KCNG4: variants seen among roughly 807,000 people sequenced by gnomAD.
The protein encoded by KCNG4 is voltage-gated potassium channel regulatory subunit KCNG4.
KCNG4 carries 30 observed loss-of-function variants against 28.2 expected under a neutral mutation model. That is an observed-to-expected ratio of 1.06 (90% confidence interval 0.80 to 1.44). KCNG4 has a LOEUF of 1.44. Ranked by LOEUF, KCNG4 falls within the 40% of genes most tolerant of loss-of-function variation. The pLI, the probability that KCNG4 is intolerant of heterozygous loss-of-function variation, is 0.00. For synonymous variants in KCNG4, 375 were observed against 315.5 expected (o/e 1.19, Z -2.00); for missense variants, 879 against 712.3 (o/e 1.23, Z -2.66).
intron 2 of KCNG4, among the ~76,000 whole-genome samples, chr16:84,232,751 T>A (rs754031959): frequency 6.6e-6 from 1 of 151,732 alleles, no homozygotes; most frequent in Non-Finnish European, 1.5e-5. Flanking sequence ...GTACAAAAAT[T>A]AGCCAGGCGT....
At position 84,222,481 on chromosome 16, in the gene KCNG4, C is replaced by G. The variant is rs752234917; in HGVS notation, c.1296G>C (p.Gln432His). Residue 432 changes from glutamine to histidine, a missense_variant, in exon 3 of 3, where the codon CAG becomes CAC. By Grantham distance (24) the Gln-to-His change is conservative. Coordinates refer to ENST00000308251, the MANE Select transcript of KCNG4 (RefSeq NM_172347.3). Reference protein sequence around the residue: ...GDMVPRSVPGQMVALSSILSG... With the variant: ...GDMVPRSVPGHMVALSSILSG... ...TCAGGATGCTGCTGAGGGCCACCAT[C>G]TGGCCTGGCACACTGCGGGGCACCA... The G allele has an allele frequency of 3.7e-6, 6 of 1,613,884 alleles. No individual in the cohort carries two copies. The highest frequency in any genetic ancestry group is 5.1e-6 in the Non-Finnish European group (6 of 1,179,962).
At chr16:84,234,482 A>C (rs190549882) in intron 2 of KCNG4, among the ~76,000 whole-genome samples, 121 of 152,238 alleles carry the variant, frequency 7.9e-4, no homozygotes, top group African/African-American at 2.7e-3. Context: ...CCCAGCCTCC[A>C]TTGTAATTTG....
intron 2 of KCNG4, among the ~76,000 whole-genome samples, chr16:84,225,489 G>A (rs368950215): frequency 1.3e-5 from 2 of 152,162 alleles, no homozygotes; most frequent in African/African-American, 2.4e-5. Context: ...GGTGGGGCCC[G>A]GGAATCTACA....
intron 1 of KCNG4, among the ~76,000 whole-genome samples, chr16:84,238,881 C>CA (rs148427908): frequency 0.051 from 7,619 of 150,078 alleles, 464 homozygotes; most frequent in East Asian, 0.2. Context: ...AAGAAAAAAA[C>CA]AAAAAAAAAT....
At position 84,222,960 on chromosome 16, in the gene KCNG4, A is replaced by T. The variant is rs1231244029; in HGVS notation, c.817T>A (p.Phe273Ile). The T allele has an allele frequency of 4.5e-6, 7 of 1,572,088 alleles. No homozygotes were observed. Among genetic ancestry groups the T allele is most frequent in the Non-Finnish European group, 6.0e-6 (7 of 1,157,922 alleles). ...AACCGCAGGCAGAACTCCAGGGAGAACCAGGCCACGCAGATGGTCTCCACG... is the reference window on the plus strand; with the variant it reads ...AACCGCAGGCAGAACTCCAGGGAGATCCAGGCCACGCAGATGGTCTCCACG... ...FIVETICVAW[F>I]SLEFCLRFVQ... Residue 273 changes from phenylalanine (F) to isoleucine (I), a missense_variant, in exon 3 of 3, where the codon TTC becomes ATC. By Grantham distance (21) the Phe-to-Ile change is conservative (BLOSUM62 0). Coordinates refer to ENST00000308251, the MANE Select transcript of KCNG4 (RefSeq NM_172347.3).
At position 84,236,961 on chromosome 16, in the gene KCNG4, C is replaced by T. The variant is rs1269438215; in HGVS notation, c.525G>A (p.Leu175=). 5 of 1,613,112 alleles carry T rather than the reference C, an allele frequency of 3.1e-6. No homozygotes were observed. The Admixed American group carries it at 8.3e-5, about 27-fold the overall frequency. The part of the protein sequence containing the change: ...LLRKLEELEE[L]AKLHREDVLR... ...GTACGTCCTCCCTGTGCAGCTTGGC[C>T]AGCTCCTCCAGCTCCTCCAGCTTCC... Residue 175 remains leucine, a synonymous_variant, in exon 2 of 3, where the codon CTG becomes CTA. Coordinates refer to ENST00000308251, the MANE Select transcript of KCNG4 (RefSeq NM_172347.3).
chr16:84,232,653 G>A (rs911294137), intron 2 of KCNG4, among the ~76,000 whole-genome samples: 2 of 152,008 alleles, frequency 1.3e-5, no homozygotes, highest in Admixed American at 6.6e-5. Context: ...TAATCCCAAC[G>A]CTTTGGGAGG....
At chr16:84,234,947 C>T (rs946485139) in intron 2 of KCNG4, among the ~76,000 whole-genome samples, 8 of 152,212 alleles carry the variant, frequency 5.3e-5, no homozygotes, top group African/African-American at 1.9e-4. Flanking sequence ...TGGGCAGCAC[C>T]TCAGCCTGTC....
At chr16:84,230,433 A>C (rs1327698075) in intron 2 of KCNG4, among the ~76,000 whole-genome samples, 1 of 136,744 alleles carries the variant, frequency 7.3e-6, no homozygotes, top group African/African-American at 2.8e-5. Flanking sequence ...AAAGCCAGGC[A>C]TGGTGGTGGG....
At chr16:84,235,921 T>C (rs1904935955) in intron 2 of KCNG4, 1 of 152,164 alleles carries the variant, frequency 6.6e-6, no homozygotes, top group East Asian at 1.9e-4. Flanking sequence ...TAGGTTCTTA[T>C]TTCACTTCTC....
chr16:84,236,614 A>C (rs1275860159), intron 2 of KCNG4, 116 bp downstream of exon 2: 1 of 1,062,598 alleles, frequency 9.4e-7, no homozygotes, highest in African/African-American at 1.6e-5. Context: ...GTTGGATAAT[A>C]TTCATTTTTT....
At chr16:84,225,632 TG>T (rs1904679838) in intron 2 of KCNG4, among the ~76,000 whole-genome samples, 2 of 152,250 alleles carry the variant, frequency 1.3e-5, no homozygotes, top group Non-Finnish European at 2.9e-5. Context: ...ACTTATAGCC[TG>T]GGAATAACTT....
In KCNG4 at chr16:84,236,957, T is replaced by C. The variant is rs201927455; in HGVS notation, c.529A>G (p.Lys177Glu). 2 of 1,608,796 alleles carry C rather than the reference T, an allele frequency of 1.2e-6. No individual in the cohort carries two copies. Among genetic ancestry groups the C allele is most frequent in the Non-Finnish European group, 1.7e-6 (2 of 1,178,980 alleles). ...RKLEELEELA[K>E]LHREDVLRQQ... ...CTCAGTACGTCCTCCCTGTGCAGCT[T>C]GGCCAGCTCCTCCAGCTCCTCCAGC... Residue 177 changes from lysine to glutamate, a missense_variant, in exon 2 of 3, where the codon AAG becomes GAG. Lys to Glu is a moderately conservative substitution (Grantham distance 56). Transcript: ENST00000308251.
chr16:84,221,133 T>A lies in KCNG4; in HGVS notation c.*1084A>T, dbSNP rs1260481711. On this transcript the variant is annotated 3_prime_UTR_variant, in exon 3 of 3. Coordinates refer to ENST00000308251, the MANE Select transcript of KCNG4 (RefSeq NM_172347.3). ...TCCCCTGGATGCAAAGGACAGACTCTGTTCACAGATGAATGCAGAAATGAA... is the reference window on the plus strand; with the variant it reads ...TCCCCTGGATGCAAAGGACAGACTCAGTTCACAGATGAATGCAGAAATGAA... 1 of 152,298 alleles carries A rather than the reference T, an allele frequency of 6.6e-6. No homozygotes were observed. Among genetic ancestry groups the A allele is most frequent in the Non-Finnish European group, 1.5e-5 (1 of 68,086 alleles). The allele number at this position is 152,298 out of a possible 1,614,324, so 9.4% of individuals were successfully genotyped here.
chr16:84,235,505 C>T (rs1904925323), intron 2 of KCNG4: 1 of 152,088 alleles, frequency 6.6e-6, no homozygotes, highest in Non-Finnish European at 1.5e-5. Context: ...GTTTAAAGGT[C>T]CAAATATTTT....
Position 84,239,766 on chromosome 16 carries a change from A to G in KCNG4, c.-137T>C, listed in dbSNP as rs1905056424. The G allele has an allele frequency of 8.1e-6, 1 of 124,222 alleles. No individual in the cohort carries two copies. The highest frequency in any genetic ancestry group is 2.9e-4 in the South Asian group (1 of 3,476). 7.7% of individuals were successfully genotyped at this position (124,222 alleles called of 1,614,324 possible). A position where few individuals can be genotyped will look rare whatever the true frequency, so the allele number is the denominator to read the frequency against. The stretch of plus-strand genomic sequence containing the variant: ...GGGAAGGGACAGGTTTCTGGTGGAG[A>G]TGAAGGGGAAGAAAAAAATCCCCAA... On this transcript the variant is annotated 5_prime_UTR_variant, in exon 1 of 3. Transcript: ENST00000308251.
intron 2 of KCNG4, among the ~76,000 whole-genome samples, chr16:84,223,985 G>T (rs1043805106): frequency 6.6e-6 from 1 of 152,124 alleles, no homozygotes; most frequent in African/African-American, 2.4e-5. Context: ...GGCGGGGGCC[G>T]TTCTGAGTTC....
Position 84,237,177 on chromosome 16 carries a change from A to C in KCNG4, c.309T>G (p.Asp103Glu). 3 of 1,614,106 alleles carry C rather than the reference A, an allele frequency of 1.9e-6. No homozygotes were observed. Among genetic ancestry groups the C allele is most frequent in the Non-Finnish European group, 2.5e-6 (3 of 1,180,022 alleles). The change falls in exon 2 of 3, where the codon GAT becomes GAG. Residue 103 changes from aspartate to glutamate, a missense_variant. Asp to Glu is a conservative substitution (Grantham distance 45). Coordinates refer to ENST00000308251, the MANE Select transcript of KCNG4 (RefSeq NM_172347.3). ...SYEEIVQLCD[D>E]YDEDSQEFFF... ...AGAACTCCTGGCTGTCCTCGTCGTA[A>C]TCATCGCAGAGCTGCACGATCTCCT...
chr16:84,239,228 A>C (rs1246398878), intron 1 of KCNG4, among the ~76,000 whole-genome samples: 2 of 152,212 alleles, frequency 1.3e-5, no homozygotes, highest in African/African-American at 4.8e-5. Context: ...CTCCCTACAC[A>C]ACATTCTGTT....
Sources: gnomAD v4.1 joint callset for allele counts (sites outside exome capture counted in the v4.1 genomes callset) on GRCh38, gnomAD v4.1.1 for gene constraint, MANE v1.5 for transcripts, NCBI Gene and HGNC (gene_info 2026-07-23, HGNC 2026-07-21) for gene names.